Variants in PUM2 observed in about 807,000 individuals in gnomAD.
PUM2 encodes the protein pumilio homolog 2.
In PUM2, 57 loss-of-function variants were observed where a neutral mutation model predicts 124.5. That is an observed-to-expected ratio of 0.46 (90% CI 0.37 to 0.57). The LOEUF is 0.57. Among genes scored for constraint, PUM2 ranks in the 20% least tolerant of loss-of-function variants. The pLI is 0.00. For synonymous variants in PUM2, 460 were observed against 446.1 expected (o/e 1.03, Z -0.39); for missense variants, 1,065 against 1,290.6 (o/e 0.83, Z 2.68).
chr2:20,293,846 T>C (rs972093342), intron 9 of PUM2, among the ~76,000 whole-genome samples: 3 of 152,170 alleles, frequency 2.0e-5, no homozygotes, highest in South Asian at 2.1e-4. Flanking sequence ...TTATTTATTA[T>C]AGTGTTTTTA....
rs568990795 is a variant in PUM2 at position 20,343,172 on chromosome 2, T to G, written c.-19+7425A>C. Among the ~76,000 whole-genome samples, 7 of 152,310 alleles carry G rather than the reference T, an allele frequency of 4.6e-5. No homozygotes were observed. In the South Asian group the frequency reaches 1.5e-3, roughly 32 times the overall value. ...GAGTATAATTTAAATAAACTTACTTTATTCACTTAAGCAAATGTTTGGAAG... is the reference window on the plus strand; with the variant it reads ...GAGTATAATTTAAATAAACTTACTTGATTCACTTAAGCAAATGTTTGGAAG... On this transcript the variant is annotated intron_variant, in intron 1 of 20. Transcript: ENST00000361078.
intron 9 of PUM2, among the ~76,000 whole-genome samples, chr2:20,291,550 C>G (rs747558182): frequency 2.6e-5 from 4 of 152,224 alleles, no homozygotes; most frequent in Non-Finnish European, 4.4e-5. Context: ...TCAGAACTCT[C>G]ATTTGACTTG....
Position 20,250,346 on chromosome 2 carries a change from C to T in PUM2, c.*1239G>A, listed in dbSNP as rs538201345. The T allele has an allele frequency of 1.3e-5, 2 of 152,596 alleles. No individual in the cohort carries two copies. The highest frequency in any genetic ancestry group is 2.4e-5 in the African/African-American group (1 of 41,530). 9.5% of individuals were successfully genotyped at this position (152,596 alleles called of 1,614,324 possible). On this transcript the variant is annotated 3_prime_UTR_variant, in exon 21 of 21. Coordinates refer to ENST00000361078, the MANE Select transcript of PUM2 (RefSeq NM_015317.5). ...GGAGAAATAAATTTACATTATACAA[C>T]ACTATATTGCCAGGTCAAAGAGGGC...
At chr2:20,311,884 A>G (rs1679689942) in intron 4 of PUM2, among the ~76,000 whole-genome samples, 1 of 152,202 alleles carries the variant, frequency 6.6e-6, no homozygotes, top group Non-Finnish European at 1.5e-5. Context: ...GCGGTGCTGG[A>G]AAAGCAGTTA....
chr2:20,283,742 T>C (rs1436840570), intron 10 of PUM2, among the ~76,000 whole-genome samples: 1 of 151,778 alleles, frequency 6.6e-6, no homozygotes, highest in Non-Finnish European at 1.5e-5. Flanking sequence ...TTTTCCTTAA[T>C]ATAGAAACTA....
intron 13 of PUM2, among the ~76,000 whole-genome samples, chr2:20,264,336 C>CAAAA (rs869149732): frequency 7.9e-5 from 2 of 25,390 alleles, no homozygotes; most frequent in Admixed American, 1.0e-3. Flanking sequence ...CACTCTGTCT[C>CAAAA]AAAAAAAAAA....
chr2:20,315,420 T>C (rs1246913148), intron 3 of PUM2, among the ~76,000 whole-genome samples: 1 of 152,190 alleles, frequency 6.6e-6, no homozygotes, highest in East Asian at 1.9e-4. Flanking sequence ...GAAGGTGTTA[T>C]GCATATTTTT....
rs553065689 is a variant in PUM2 at position 20,335,420 on chromosome 2, G to A, written c.-18-8042C>T. Among the ~76,000 whole-genome samples, 12 of 152,248 alleles carry A rather than the reference G, an allele frequency of 7.9e-5. No homozygotes were observed. In the South Asian group the frequency reaches 2.3e-3, roughly 29 times the overall value. ...AAAAGTAAATCTAAATCCAGGTTTA[G>A]GTATTTATAGGAGACCATTAGCCTT... On this transcript the variant is annotated intron_variant, in intron 1 of 20. Coordinates refer to ENST00000361078, the MANE Select transcript of PUM2 (RefSeq NM_015317.5).
chr2:20,261,845 A>G (rs147403128), intron 14 of PUM2, among the ~76,000 whole-genome samples: 5 of 152,330 alleles, frequency 3.3e-5, no homozygotes, highest in African/African-American at 1.2e-4. Flanking sequence ...AAGTGTTATT[A>G]CAAGTCAGTA....
chr2:20,314,867 A>G (rs1340257420), intron 3 of PUM2, among the ~76,000 whole-genome samples: 3 of 152,152 alleles, frequency 2.0e-5, no homozygotes, highest in African/African-American at 7.2e-5. Flanking sequence ...ATAAAAGGCA[A>G]TTAGAATAGA....
intron 8 of PUM2, among the ~76,000 whole-genome samples, chr2:20,294,955 G>C (rs1176767870): frequency 1.3e-5 from 2 of 152,090 alleles, no homozygotes; most frequent in Non-Finnish European, 2.9e-5. Context: ...CAAAACTGGG[G>C]AACATTCTGG....
intron 2 of PUM2, among the ~76,000 whole-genome samples, chr2:20,321,346 G>A (rs1682313461): frequency 6.6e-6 from 1 of 152,128 alleles, no homozygotes; most frequent in South Asian, 2.1e-4. Flanking sequence ...GAAGCGGGGG[G>A]GAGGGGAGTC....
At chr2:20,292,511 C>T (rs139272803) in intron 9 of PUM2, among the ~76,000 whole-genome samples, 3 of 152,210 alleles carry the variant, frequency 2.0e-5, no homozygotes, top group East Asian at 2.0e-4. Context: ...AACAGGCGCA[C>T]GCCACCACGC....
intron 1 of PUM2, among the ~76,000 whole-genome samples, chr2:20,348,051 C>T (rs959536396): frequency 3.9e-5 from 6 of 151,976 alleles, no homozygotes; most frequent in African/African-American, 1.5e-4. Context: ...GGTCTGGCAC[C>T]GGGGCTCATG....
At chr2:20,291,773 A>G (rs1345158083) in intron 9 of PUM2, among the ~76,000 whole-genome samples, 1 of 151,982 alleles carries the variant, frequency 6.6e-6, no homozygotes, top group Non-Finnish European at 1.5e-5. Flanking sequence ...TGGGATCTTC[A>G]TGTGCTACTC....
intron 1 of PUM2, among the ~76,000 whole-genome samples, chr2:20,331,312 AC>A (rs1022326170): frequency 6.6e-6 from 1 of 152,314 alleles, no homozygotes; most frequent in African/African-American, 2.4e-5. Context: ...TTAAAGATGG[AC>A]CTAACTCTCA....
intron 1 of PUM2, among the ~76,000 whole-genome samples, chr2:20,339,989 G>A (rs563308145): frequency 6.8e-6 from 1 of 147,652 alleles, no homozygotes; most frequent in East Asian, 2.0e-4. Flanking sequence ...ATTCCTCAAT[G>A]TAAAAAAAAA....
At chr2:20,350,311 ACCGGGTCGGCGCCCCACGCCC>A (rs1558705031) in intron 1 of PUM2, 1 of 286,352 alleles carries the variant, frequency 3.5e-6, no homozygotes, top group Non-Finnish European at 5.2e-6. Flanking sequence ...CGGAGGGAGA[ACCGGGTCGGCGCCCCACGCCC>A]CCGAGGCGGC....
chr2:20,259,665 G>C (rs1367586429), intron 15 of PUM2, among the ~76,000 whole-genome samples: 1 of 152,272 alleles, frequency 6.6e-6, no homozygotes, highest in East Asian at 1.9e-4. Flanking sequence ...TATACCACTT[G>C]TATTTATCTA....
Sources: allele counts gnomAD v4.1 joint callset (sites outside exome capture counted in the v4.1 genomes callset), GRCh38; gene constraint gnomAD v4.1.1; transcripts MANE v1.5; gene names NCBI Gene and HGNC (gene_info 2026-07-23, HGNC 2026-07-21).